CLSTN2: variants seen among roughly 807,000 people sequenced by gnomAD.
The protein encoded by CLSTN2 is calsyntenin-2.
Under a neutral mutation model 101.2 loss-of-function variants are expected in CLSTN2, and 48 were observed. The observed-to-expected ratio is 0.47, with a 90% confidence interval of 0.38 to 0.60. CLSTN2 has a LOEUF of 0.60. Ranked by LOEUF, CLSTN2 falls within the 20% of genes least tolerant of loss-of-function variation. CLSTN2 has a pLI of 0.00. For missense variants in CLSTN2, 1,160 were observed against 1,238.2 expected, an observed-to-expected ratio of 0.94 and a Z score of 0.95; for synonymous variants, 481 against 463.6, an observed-to-expected ratio of 1.04 and a Z score of -0.48.
At chr3:140,175,412 T>G (rs1263169275) in intron 1 of CLSTN2, among the ~76,000 whole-genome samples, 1 of 152,204 alleles carries the variant, frequency 6.6e-6, no homozygotes, top group Non-Finnish European at 1.5e-5. Flanking sequence ...TTTGCATATA[T>G]AATGATATTT....
intron 1 of CLSTN2, among the ~76,000 whole-genome samples, chr3:140,115,313 G>T (rs1279038294): frequency 6.6e-6 from 1 of 151,264 alleles, no homozygotes; most frequent in African/African-American, 2.4e-5. Flanking sequence ...AAGATACATA[G>T]ATTTTTCTCT....
chr3:139,972,587 T>G (rs1179771177), intron 1 of CLSTN2, among the ~76,000 whole-genome samples: 1 of 152,136 alleles, frequency 6.6e-6, no homozygotes, highest in Non-Finnish European at 1.5e-5. Flanking sequence ...CCCCAGTTAT[T>G]CAATGGCTTA....
intron 2 of CLSTN2, among the ~76,000 whole-genome samples, chr3:140,383,088 T>C (rs1037036317): frequency 2.0e-5 from 3 of 152,210 alleles, no homozygotes; most frequent in African/African-American, 7.2e-5. Flanking sequence ...CATTCAAGCA[T>C]ATTTCACATA....
At chr3:140,554,390 T>A (rs967352507) in intron 10 of CLSTN2, among the ~76,000 whole-genome samples, 2 of 152,188 alleles carry the variant, frequency 1.3e-5, no homozygotes, top group African/African-American at 4.8e-5. Context: ...AATATACATT[T>A]TTCCTTAAAC....
intron 2 of CLSTN2, among the ~76,000 whole-genome samples, chr3:140,355,301 G>C (rs2087657760): frequency 6.6e-6 from 1 of 152,112 alleles, no homozygotes; most frequent in Non-Finnish European, 1.5e-5. Context: ...TTGGACTCAG[G>C]AAATTTGTCT....
chr3:140,162,451 G>A (rs982504960), intron 1 of CLSTN2, among the ~76,000 whole-genome samples: 1 of 152,198 alleles, frequency 6.6e-6, no homozygotes, highest in Non-Finnish European at 1.5e-5. Flanking sequence ...TGGAAGAGTA[G>A]AGGAGTGTCA....
chr3:140,454,107 C>T (rs1933331680), intron 6 of CLSTN2, among the ~76,000 whole-genome samples: 2 of 152,200 alleles, frequency 1.3e-5, no homozygotes, highest in Admixed American at 6.5e-5. Flanking sequence ...CTGATTAGAT[C>T]CCCAATCATA....
In CLSTN2 at chr3:139,991,846, C is replaced by T. The variant is rs567856643; in HGVS notation, c.109+56363C>T. Among the ~76,000 whole-genome samples the T allele has an allele frequency of 2.6e-3, 393 of 152,348 alleles. 1 individual carries two copies. Among genetic ancestry groups the T allele is most frequent in the African/African-American group, 9.1e-3 (377 of 41,580 alleles). On this transcript the variant is annotated intron_variant, in intron 1 of 16. Transcript: ENST00000458420. ...GGGCAACATGGTTGTTATATAGCCT[C>T]TGTCTCTCAGGTTTGCTTTCTTCCT... is the stretch of plus-strand genomic sequence containing the variant.
intron 2 of CLSTN2, among the ~76,000 whole-genome samples, chr3:140,203,461 G>GTTTTTT (rs58182333): frequency 2.1e-4 from 14 of 67,916 alleles, no homozygotes; most frequent in Non-Finnish European, 2.5e-4. Context: ...GAAAGTGTGG[G>GTTTTTT]TTTTTTTTTT....
intron 1 of CLSTN2, among the ~76,000 whole-genome samples, chr3:140,146,941 T>A (rs2009789397): frequency 6.6e-6 from 1 of 152,254 alleles, no homozygotes; most frequent in Admixed American, 6.5e-5. Flanking sequence ...CACTAAGCTC[T>A]GTTTCAAACA....
chr3:140,108,125 A>G (rs956050896), intron 1 of CLSTN2, among the ~76,000 whole-genome samples: 2 of 152,322 alleles, frequency 1.3e-5, no homozygotes, highest in Admixed American at 6.5e-5. Flanking sequence ...TTCAGACAGC[A>G]TCTTCTGAAA....
chr3:140,178,090 C>T (rs1457535702), intron 2 of CLSTN2, among the ~76,000 whole-genome samples: 1 of 152,124 alleles, frequency 6.6e-6, no homozygotes, highest in African/African-American at 2.4e-5. Flanking sequence ...TGTCCTGAGG[C>T]TGGCACTTTA....
intron 9 of CLSTN2, among the ~76,000 whole-genome samples, chr3:140,538,940 G>A (rs994154075): frequency 2.0e-5 from 3 of 152,192 alleles, no homozygotes; most frequent in African/African-American, 7.2e-5. Context: ...AAGTACTCCA[G>A]TAAAGCAATC....
chr3:140,440,720 C>G (rs977132074), intron 5 of CLSTN2, among the ~76,000 whole-genome samples: 1 of 152,184 alleles, frequency 6.6e-6, no homozygotes, highest in Non-Finnish European at 1.5e-5. Flanking sequence ...AGGTCTGACT[C>G]CAAAGCCCTG....
chr3:140,022,842 G>A (rs1031793543), intron 1 of CLSTN2, among the ~76,000 whole-genome samples: 6 of 152,190 alleles, frequency 3.9e-5, no homozygotes, highest in African/African-American at 1.4e-4. Context: ...CTCCAGACAG[G>A]CCCAGAATCA....
chr3:140,075,683 G>C (rs982099718), intron 1 of CLSTN2, among the ~76,000 whole-genome samples: 1 of 152,182 alleles, frequency 6.6e-6, no homozygotes, highest in African/African-American at 2.4e-5. Context: ...AAGCTATTAT[G>C]TGTGAGTTGT....
At chr3:140,549,998 CTGAG>C (rs997928197) in intron 10 of CLSTN2, among the ~76,000 whole-genome samples, 6 of 150,266 alleles carry the variant, frequency 4.0e-5, no homozygotes, top group Non-Finnish European at 8.9e-5. Flanking sequence ...CACCACATTC[CTGAG>C]TAATACCCTG....
intron 2 of CLSTN2, among the ~76,000 whole-genome samples, chr3:140,189,225 A>G (rs552641513): frequency 1.1e-3 from 162 of 152,312 alleles, no homozygotes; most frequent in African/African-American, 3.8e-3. Flanking sequence ...TTTATGTACA[A>G]GTTTTTGTGT....
chr3:139,991,254 A>T (rs1185692808), intron 1 of CLSTN2, among the ~76,000 whole-genome samples: 1 of 152,244 alleles, frequency 6.6e-6, no homozygotes, highest in East Asian at 1.9e-4. Flanking sequence ...AACCGTATCT[A>T]TTAAATGCTA....
Sources: gnomAD v4.1 joint callset for allele counts (sites outside exome capture counted in the v4.1 genomes callset) on GRCh38, gnomAD v4.1.1 for gene constraint, MANE v1.5 for transcripts, NCBI Gene and HGNC (gene_info 2026-07-23, HGNC 2026-07-21) for gene names.